The following WLS variants were observed in gnomAD, a reference collection of about 807,000 sequenced individuals.
WLS encodes the protein Wnt ligand secretion mediator.
A neutral mutation model predicts 62.8 loss-of-function variants in WLS; 23 were observed. The ratio of observed to expected loss-of-function variants is 0.37; its 90% CI spans 0.26 to 0.52. WLS has a LOEUF of 0.52. WLS is among the 20% of genes least tolerant of loss of function. WLS has a pLI of 0.92. For missense variants in WLS, 615 were observed against 697.3 expected, an observed-to-expected ratio of 0.88 and a Z score of 1.33; for synonymous variants, 246 against 244.1, an observed-to-expected ratio of 1.01 and a Z score of -0.07.
chr1:68,163,351 C>T (rs903661780), intron 2 of WLS, among the ~76,000 whole-genome samples: 2 of 152,192 alleles, frequency 1.3e-5, no homozygotes, highest in African/African-American at 4.8e-5. Context: ...GCAAAAGGCG[C>T]CCACTCTGGA....
chr1:68,151,879 C>T (rs1409772797), intron 5 of WLS, among the ~76,000 whole-genome samples: 2 of 152,074 alleles, frequency 1.3e-5, no homozygotes, highest in Non-Finnish European at 2.9e-5. Flanking sequence ...TGAAAGGGGG[C>T]ACTCCTGGCT....
At chr1:68,106,453 A>C (rs966301673) in intron 11 of WLS, among the ~76,000 whole-genome samples, 1 of 152,190 alleles carries the variant, frequency 6.6e-6, no homozygotes, top group Non-Finnish European at 1.5e-5. Flanking sequence ...TAAAGACAGC[A>C]TCTCTGGGAC....
chr1:68,212,522 G>T (rs1649557058), intron 1 of WLS, among the ~76,000 whole-genome samples: 1 of 152,102 alleles, frequency 6.6e-6, no homozygotes, highest in African/African-American at 2.4e-5. Flanking sequence ...GTTAGATGAA[G>T]ATTTTAGTTC....
Position 68,100,280 on chromosome 1 carries a change from A to G in WLS, c.1511-1527T>C, listed in dbSNP as rs538610732. Among the ~76,000 whole-genome samples, 5 of 152,294 alleles carry G rather than the reference A, an allele frequency of 3.3e-5. No homozygotes were observed. In the South Asian group the frequency reaches 8.3e-4, roughly 25 times the overall value. ...TGGTTCTTTTCTGCTGCTCTTGCCA[A>G]TATCTCGGCCTGGAGCTGGCCTGTG... On this transcript the variant is annotated intron_variant, in intron 11 of 11. Transcript: ENST00000354777.
intron 11 of WLS, among the ~76,000 whole-genome samples, chr1:68,135,958 G>A (rs1646603622): frequency 1.3e-5 from 2 of 152,288 alleles, no homozygotes; most frequent in East Asian, 1.9e-4. Context: ...TCAAACCAAA[G>A]TTGGGCAGGG....
At chr1:68,159,333 T>G (rs1005156268) in intron 2 of WLS, 86 bp from the exon 3 acceptor site, 4 of 1,506,360 alleles carry the variant, frequency 2.7e-6, no homozygotes. Flanking sequence ...AGGCTTTGAC[T>G]TGGAAACCAA....
chr1:68,170,908 T>C (rs1647144146), intron 2 of WLS, among the ~76,000 whole-genome samples: 1 of 152,222 alleles, frequency 6.6e-6, no homozygotes, highest in Non-Finnish European at 1.5e-5. Context: ...ACAATAGATA[T>C]TCATTGAATA....
chr1:68,106,946 C>T (rs1205840404), intron 11 of WLS, among the ~76,000 whole-genome samples: 3 of 152,138 alleles, frequency 2.0e-5, no homozygotes, highest in African/African-American at 7.2e-5. Context: ...CTGAAACCAA[C>T]TAAGTCGGTA....
intron 3 of WLS, 107 bp from the exon 4 acceptor site, chr1:68,155,367 A>C: frequency 7.3e-7 from 1 of 1,369,516 alleles, no homozygotes; most frequent in Non-Finnish European, 9.7e-7. Context: ...GCTAATGCTT[A>C]AAGGTACACT....
chr1:68,201,719 C>T lies in WLS; in HGVS notation c.107-7492G>A, dbSNP rs1299655224. ...CTAGGAAAGCTAATTTTTTTTAATA[C>T]AGCAGAACATTCCTTTACACTGAAC... On this transcript the variant is annotated intron_variant, in intron 1 of 11. Transcript: ENST00000262348. 2.0e-5 allele frequency among the ~76,000 whole-genome samples: 3 copies of T among 152,238 alleles called. No individual in the cohort carries two copies. The East Asian group carries it at 5.8e-4, about 29-fold the overall frequency.
chr1:68,137,630 C>T (rs2100423587), intron 11 of WLS, 150 bp downstream of exon 11: 2 of 805,094 alleles, frequency 2.5e-6, no homozygotes, highest in African/African-American at 1.7e-5. Context: ...GGGTGAGTCC[C>T]CTGGGTGCTC....
At position 68,159,264 on chromosome 1, in the gene WLS, G is replaced by T. The variant is rs1229229800; in HGVS notation, c.380-17C>A. The T allele has an allele frequency of 6.2e-7, 1 of 1,608,292 alleles. No individual in the cohort carries two copies. Among genetic ancestry groups the T allele is most frequent in the Non-Finnish European group, 8.5e-7 (1 of 1,178,308 alleles). ...CATTTTCTCCTGCAAGAGAAAGGAT[G>T]CACGTTTCAGAAATGACTTTTGGAA... On this transcript the variant is annotated splice_polypyrimidine_tract_variant and intron_variant, in intron 2 of 11. Coordinates refer to ENST00000262348, the MANE Select transcript of WLS (RefSeq NM_024911.7).
At chr1:68,118,699 C>A (rs1428906092) in intron 11 of WLS, among the ~76,000 whole-genome samples, 2 of 151,602 alleles carry the variant, frequency 1.3e-5, no homozygotes, top group East Asian at 3.9e-4. Flanking sequence ...CATGGTGAAA[C>A]CCCATCTCTA....
chr1:68,170,322 T>G (rs770820165), intron 2 of WLS, among the ~76,000 whole-genome samples: 3 of 151,948 alleles, frequency 2.0e-5, no homozygotes, highest in Non-Finnish European at 4.4e-5. Context: ...TGGGCCACCA[T>G]GCCTGGCTAA....
intron 10 of WLS, among the ~76,000 whole-genome samples, chr1:68,144,050 A>G (rs1419756393): frequency 6.6e-6 from 1 of 152,208 alleles, no homozygotes; most frequent in Non-Finnish European, 1.5e-5. Context: ...CCTTCAAAAC[A>G]AGTTATGAAT....
chr1:68,101,975 C>CT (rs1391656934), intron 11 of WLS, among the ~76,000 whole-genome samples: 3 of 152,158 alleles, frequency 2.0e-5, no homozygotes, highest in Non-Finnish European at 2.9e-5. Flanking sequence ...TTCCAAGGGA[C>CT]TTTGAACTAT....
chr1:68,201,319 T>C (rs912813927), intron 1 of WLS, among the ~76,000 whole-genome samples: 5 of 152,184 alleles, frequency 3.3e-5, no homozygotes, highest in African/African-American at 4.8e-5. Context: ...CTTCAAAAAG[T>C]TCAGCTAAAG....
chr1:68,181,587 T>C (rs955234640), intron 2 of WLS, among the ~76,000 whole-genome samples: 1 of 152,186 alleles, frequency 6.6e-6, no homozygotes, highest in African/African-American at 2.4e-5. Context: ...GCAAGGATCT[T>C]AGAGTCCGCT....
intron 5 of WLS, among the ~76,000 whole-genome samples, chr1:68,152,903 T>C (rs59405367): frequency 0.039 from 6,006 of 152,196 alleles, 146 homozygotes; most frequent in Middle Eastern, 0.095. Flanking sequence ...GAGCTGGGCT[T>C]AGGGGAGTTT....
Sources: gnomAD v4.1 joint callset for allele counts (sites outside exome capture counted in the v4.1 genomes callset) on GRCh38, gnomAD v4.1.1 for gene constraint, MANE v1.5 for transcripts, NCBI Gene and HGNC (gene_info 2026-07-23, HGNC 2026-07-21) for gene names.